Variants in APBB2 observed in about 807,000 individuals in gnomAD.
APBB2 encodes the protein amyloid beta precursor protein binding family B member 2.
Under a neutral mutation model 82.5 loss-of-function variants are expected in APBB2, and 38 were observed. The observed-to-expected ratio is 0.46, with a 90% CI of 0.36 to 0.60. The LOEUF (loss-of-function observed/expected upper bound fraction) is 0.60. APBB2 is among the 20% of genes least tolerant of loss of function. The pLI, the probability that APBB2 is intolerant of heterozygous loss-of-function variation, is 0.00. For missense variants in APBB2, 772 were observed against 972.3 expected, an observed-to-expected ratio of 0.79 and a Z score of 2.74; for synonymous variants, 341 against 368.2, an observed-to-expected ratio of 0.93 and a Z score of 0.85.
chr4:40,865,369 G>T (rs1763800472), intron 12 of APBB2, among the ~76,000 whole-genome samples: 1 of 152,194 alleles, frequency 6.6e-6, no homozygotes, highest in Non-Finnish European at 1.5e-5. Context: ...AGCTGAAACA[G>T]ATACTAAACC....
At chr4:41,204,088 C>T (rs1431850725) in intron 1 of APBB2, among the ~76,000 whole-genome samples, 2 of 152,064 alleles carry the variant, frequency 1.3e-5, no homozygotes, top group Admixed American at 6.5e-5. Flanking sequence ...TACTGAAAGG[C>T]GGTAAAGAAC....
At chr4:41,017,338 G>C (rs73136497) in intron 5 of APBB2, among the ~76,000 whole-genome samples, 2 of 152,118 alleles carry the variant, frequency 1.3e-5, no homozygotes, top group African/African-American at 4.8e-5. Flanking sequence ...GAACTATAGA[G>C]TTCCTCTAGG....
chr4:41,089,902 T>G (rs2153951764), intron 3 of APBB2, among the ~76,000 whole-genome samples: 1 of 152,328 alleles, frequency 6.6e-6, no homozygotes, highest in East Asian at 1.9e-4. Flanking sequence ...CCTACTGCAA[T>G]TATTGTCAAG....
At chr4:40,973,796 C>T (rs1378331263) in intron 6 of APBB2, among the ~76,000 whole-genome samples, 1 of 151,936 alleles carries the variant, frequency 6.6e-6, no homozygotes, top group East Asian at 1.9e-4. Flanking sequence ...ATCCATCTTC[C>T]TCTGGATTCA....
chr4:41,053,580 T>C (rs573083597), intron 4 of APBB2, among the ~76,000 whole-genome samples: 1 of 151,526 alleles, frequency 6.6e-6, no homozygotes, highest in East Asian at 1.9e-4. Context: ...TAAAGCCTGT[T>C]GGAGCTTAAC....
At chr4:40,880,177 C>A in intron 12 of APBB2, 1 of 985,430 alleles carries the variant, frequency 1.0e-6, no homozygotes, top group Non-Finnish European at 1.2e-6. Flanking sequence ...GGAAGAGGCA[C>A]AATTACATTG....
rs779111046 is a variant in APBB2 at position 41,000,069 on chromosome 4, ATGTGTGTGTG to A, written c.835+13504_835+13513del. ...TATGTATATGTATATATATGTGTGTATGTGTGTGTGTGTGTGTGTGTGTGTGTGTGTGTGT... is the reference window on the plus strand; with the variant it reads ...TATGTATATGTATATATATGTGTGTATGTGTGTGTGTGTGTGTGTGTGTGT... On this transcript the variant is annotated intron_variant, in intron 6 of 17. Transcript: ENST00000508593. Among the ~76,000 whole-genome samples the A allele has an allele frequency of 1.4e-3, 188 of 130,684 alleles. 1 individual carries two copies. The highest frequency in any genetic ancestry group is 2.5e-3 in the South Asian group (10 of 4,002). 85.7% of individuals were successfully genotyped at this position (130,684 alleles called of 152,430 possible). A position where few individuals can be genotyped will look rare whatever the true frequency, so the allele number is the denominator to read the frequency against.
chr4:40,923,268 G>A (rs552662284), intron 10 of APBB2, among the ~76,000 whole-genome samples: 3 of 152,304 alleles, frequency 2.0e-5, no homozygotes, highest in Admixed American at 6.5e-5. Context: ...AGCCACGGTC[G>A]TGCCCAGCCT....
chr4:40,877,344 A>G (rs1048688342), intron 12 of APBB2, among the ~76,000 whole-genome samples: 5 of 152,196 alleles, frequency 3.3e-5, no homozygotes, highest in Non-Finnish European at 7.4e-5. Context: ...TGGTTAGGAA[A>G]GAGACTTCTC....
At chr4:40,849,725 C>CT (rs758207803) in intron 12 of APBB2, among the ~76,000 whole-genome samples, 1,599 of 123,212 alleles carry the variant, frequency 0.013, 36 homozygotes, top group African/African-American at 0.014. Context: ...ACTAAAGTTA[C>CT]TTTTTTTTTT....
intron 15 of APBB2, among the ~76,000 whole-genome samples, chr4:40,825,260 T>A (rs1256460214): frequency 6.6e-6 from 1 of 152,236 alleles, no homozygotes; most frequent in Non-Finnish European, 1.5e-5. Flanking sequence ...GGGTCTAAAG[T>A]AACTATGTTT....
intron 10 of APBB2, among the ~76,000 whole-genome samples, chr4:40,911,845 T>G (rs1176613507): frequency 6.6e-6 from 1 of 152,182 alleles, no homozygotes; most frequent in Non-Finnish European, 1.5e-5. Flanking sequence ...CTTCTCTAGG[T>G]ACCAGTGGGA....
intron 13 of APBB2, among the ~76,000 whole-genome samples, chr4:40,829,061 A>G (rs1430393168): frequency 6.6e-6 from 1 of 152,188 alleles, no homozygotes; most frequent in African/African-American, 2.4e-5. Flanking sequence ...TTCTGCATCT[A>G]AATTCAAGAA....
At chr4:41,141,512 G>A (rs959643161) in intron 2 of APBB2, among the ~76,000 whole-genome samples, 3 of 152,128 alleles carry the variant, frequency 2.0e-5, no homozygotes, top group African/African-American at 7.2e-5. Flanking sequence ...TAGAAAAACT[G>A]CCACTAGCAG....
At chr4:41,139,239 T>C (rs1261857353) in intron 2 of APBB2, among the ~76,000 whole-genome samples, 2 of 152,070 alleles carry the variant, frequency 1.3e-5, no homozygotes, top group Non-Finnish European at 2.9e-5. Flanking sequence ...ATCCAACCTA[T>C]GAATAAGTTA....
At chr4:40,835,343 C>T (rs1243767296) in intron 12 of APBB2, among the ~76,000 whole-genome samples, 1 of 151,904 alleles carries the variant, frequency 6.6e-6, no homozygotes, top group Admixed American at 6.6e-5. Flanking sequence ...GTATCAGGAA[C>T]CAGTGAGGCA....
chr4:41,197,854 G>C, intron 1 of APBB2, among the ~76,000 whole-genome samples: 2 of 151,900 alleles, frequency 1.3e-5, no homozygotes, highest in African/African-American at 4.8e-5. Flanking sequence ...ATGTGGAAAA[G>C]AGCTCCATCT....
chr4:40,846,169 T>G (rs1233274478), intron 12 of APBB2, among the ~76,000 whole-genome samples: 1 of 151,894 alleles, frequency 6.6e-6, no homozygotes, highest in Non-Finnish European at 1.5e-5. Context: ...ATTCCATTAT[T>G]TAATCCATAT....
At chr4:40,932,201 A>G (rs1022590313) in intron 10 of APBB2, among the ~76,000 whole-genome samples, 3 of 152,200 alleles carry the variant, frequency 2.0e-5, no homozygotes, top group African/African-American at 7.2e-5. Flanking sequence ...AGTGGTGGAC[A>G]GAGATATTCA....
Sources: allele counts gnomAD v4.1 joint callset (sites outside exome capture counted in the v4.1 genomes callset), GRCh38; gene constraint gnomAD v4.1.1; transcripts MANE v1.5; gene names NCBI Gene and HGNC (gene_info 2026-07-23, HGNC 2026-07-21).